KDM4C: variants seen among roughly 807,000 people sequenced by gnomAD.
KDM4C encodes the protein lysine-specific demethylase 4C.
In KDM4C, 81 loss-of-function variants were observed where a neutral mutation model predicts 129.3. That is an observed-to-expected ratio of 0.63 (90% confidence interval 0.52 to 0.75). KDM4C has a LOEUF of 0.75. Ranked by LOEUF, KDM4C falls within the 30% of genes least tolerant of loss-of-function variation. The probability of loss-of-function intolerance (pLI) is 0.00; values close to 1 mark genes in which losing one functional copy is unlikely to be tolerated. For synonymous variants in KDM4C, 573 were observed against 456.1 expected (o/e 1.26, Z -3.26); for missense variants, 1,457 against 1,304.0 (o/e 1.12, Z -1.81).
intron 15 of KDM4C, among the ~76,000 whole-genome samples, chr9:7,041,757 G>T (rs1389256720): frequency 6.6e-6 from 1 of 151,992 alleles, no homozygotes; most frequent in Non-Finnish European, 1.5e-5. Context: ...CAGGTTTCAG[G>T]TGTTTTGAGG....
intron 4 of KDM4C, among the ~76,000 whole-genome samples, chr9:6,817,975 C>G (rs779665543): frequency 5.3e-5 from 8 of 152,010 alleles, no homozygotes; most frequent in Non-Finnish European, 8.8e-5. Flanking sequence ...CCATCTTGGC[C>G]AGGTTGGTCT....
intron 4 of KDM4C, among the ~76,000 whole-genome samples, chr9:6,838,222 T>G (rs1202277060): frequency 1.3e-5 from 2 of 152,234 alleles, no homozygotes; most frequent in Admixed American, 6.5e-5. Context: ...TTCTTATTCC[T>G]TGACGACAGA....
At chr9:6,815,849 G>T (rs1318828773) in intron 4 of KDM4C, among the ~76,000 whole-genome samples, 3 of 152,076 alleles carry the variant, frequency 2.0e-5, no homozygotes, top group Non-Finnish European at 4.4e-5. Flanking sequence ...TTAATATTTT[G>T]CCACATTTGC....
rs373942587 is a variant in KDM4C, at chr9:6,984,301, A to G, written c.1251A>G (p.Glu417=). ...ACCTCAAGGTCAGTGAAAAGTCAGAAGCAGCAGTGAAGCTGAGGAACACAG... is the reference window on the plus strand; with the variant it reads ...ACCTCAAGGTCAGTGAAAAGTCAGAGGCAGCAGTGAAGCTGAGGAACACAG... ...TDDLKVSEKS[E]AAVKLRNTEA... Residue 417 remains glutamate, a synonymous_variant, in exon 10 of 22, where the codon GAA becomes GAG. Coordinates refer to ENST00000381309, the MANE Select transcript of KDM4C (RefSeq NM_015061.6). The G allele has an allele frequency of 6.2e-7, 1 of 1,613,998 alleles. No individual in the cohort carries two copies. The highest frequency in any genetic ancestry group is 1.3e-5 in the African/African-American group (1 of 74,936).
At chr9:7,032,944 C>A (rs1337289988) in intron 15 of KDM4C, among the ~76,000 whole-genome samples, 1 of 152,134 alleles carries the variant, frequency 6.6e-6, no homozygotes, top group East Asian at 1.9e-4. Flanking sequence ...ACTCTAGGTT[C>A]TGCCTAGAGG....
chr9:6,986,198 GT>G, intron 10 of KDM4C, 145 bp from the exon 11 acceptor site: 2 of 605,182 alleles, frequency 3.3e-6, no homozygotes, highest in Non-Finnish European at 5.8e-6. Flanking sequence ...TACAAATGAG[GT>G]TTGTTTTGTG....
At chr9:6,897,938 G>A (rs1326705490) in intron 8 of KDM4C, among the ~76,000 whole-genome samples, 1 of 152,104 alleles carries the variant, frequency 6.6e-6, no homozygotes, top group South Asian at 2.1e-4. Flanking sequence ...TCTGTTTCTG[G>A]AGCATTCTTT....
In KDM4C at chr9:6,986,408, A is replaced by T. The variant is rs780776822; in HGVS notation, c.1419A>T (p.Ala473=). 1.9e-6 allele frequency: 3 copies of T among 1,613,902 alleles called. No individual in the cohort carries two copies. Among genetic ancestry groups the T allele is most frequent in the African/African-American group, 1.3e-5 (1 of 74,948 alleles). Residue 473 remains alanine, a synonymous_variant, in exon 11 of 22, where the codon GCA becomes GCT. Coordinates refer to ENST00000381309, the MANE Select transcript of KDM4C (RefSeq NM_015061.6). The part of the protein sequence containing the change: ...DIKTEDDKAY[A]YRSVPSISSE... ...AAACTGAGGATGACAAAGCTTATGC[A>T]TATAGAAGTGTACCTTCTATATCCA...
At chr9:6,727,936 C>T (rs563118069) in intron 1 of KDM4C, among the ~76,000 whole-genome samples, 2 of 151,692 alleles carry the variant, frequency 1.3e-5, no homozygotes, top group East Asian at 3.9e-4. Context: ...GCCATTTTGC[C>T]TTTCTGACAT....
At chr9:6,835,364 T>G in intron 4 of KDM4C, 1 of 1,073,362 alleles carries the variant, frequency 9.3e-7, no homozygotes, top group Non-Finnish European at 1.5e-6. Context: ...GGCACCACCA[T>G]GTACCCTAGC....
chr9:7,076,474 A>G (rs1329910088), intron 17 of KDM4C: 1 of 1,550,780 alleles, frequency 6.4e-7, no homozygotes, highest in South Asian at 1.2e-5. Context: ...TAACAACAAC[A>G]ACAATAACAA....
intron 8 of KDM4C, among the ~76,000 whole-genome samples, chr9:6,904,190 C>G (rs10975888): frequency 0.46 from 69,643 of 151,724 alleles, 16,340 homozygotes; most frequent in Middle Eastern, 0.6. Context: ...GGTGAGCTGA[C>G]ATTGTGCCAC....
upstream of KDM4C, among the ~76,000 whole-genome samples, chr9:6,756,942 A>G (rs969264715): frequency 6.6e-6 from 1 of 152,190 alleles, no homozygotes; most frequent in African/African-American, 2.4e-5. Flanking sequence ...ATATTAGCCC[A>G]ACTTTGCTCA....
intron 17 of KDM4C, among the ~76,000 whole-genome samples, chr9:7,081,126 G>A (rs1389911700): frequency 6.6e-6 from 1 of 152,156 alleles, no homozygotes; most frequent in African/African-American, 2.4e-5. Context: ...CTGAGTAACT[G>A]ATCTTCCTGT....
chr9:7,002,396 A>G (rs1343688154), intron 12 of KDM4C, among the ~76,000 whole-genome samples: 1 of 152,232 alleles, frequency 6.6e-6, no homozygotes, highest in East Asian at 1.9e-4. Context: ...ACAATGTGGA[A>G]TAAGTTAGTT....
chr9:6,811,439 G>T (rs967520057), intron 3 of KDM4C, among the ~76,000 whole-genome samples: 45 of 152,080 alleles, frequency 3.0e-4, no homozygotes, highest in African/African-American at 1.1e-3. Flanking sequence ...CCATTCATCT[G>T]TTTTTCTTTA....
chr9:6,845,081 G>T (rs1391020541), intron 4 of KDM4C, among the ~76,000 whole-genome samples: 1 of 152,204 alleles, frequency 6.6e-6, no homozygotes, highest in Non-Finnish European at 1.5e-5. Context: ...GGTGGAAATG[G>T]CTCATTATTT....
intron 8 of KDM4C, among the ~76,000 whole-genome samples, chr9:6,958,816 G>C (rs954322375): frequency 6.6e-6 from 1 of 151,338 alleles, no homozygotes; most frequent in Non-Finnish European, 1.5e-5. Context: ...CCACAGGTGC[G>C]CACCACCACA....
chr9:6,799,259 C>T (rs929644699), intron 2 of KDM4C, among the ~76,000 whole-genome samples: 1 of 152,222 alleles, frequency 6.6e-6, no homozygotes, highest in Non-Finnish European at 1.5e-5. Context: ...CGCCACTGCA[C>T]TCCAGCCTGG....
Sources: gnomAD v4.1 joint callset for allele counts (sites outside exome capture counted in the v4.1 genomes callset) on GRCh38, gnomAD v4.1.1 for gene constraint, MANE v1.5 for transcripts, NCBI Gene and HGNC (gene_info 2026-07-23, HGNC 2026-07-21) for gene names.